Variants in SPATA13 observed in about 807,000 individuals in gnomAD.
SPATA13 encodes spermatogenesis associated 13, also known as spermatogenesis-associated protein 13.
SPATA13 carries 50 observed loss-of-function variants against 104.0 expected under a neutral mutation model. That is an observed-to-expected ratio of 0.48 (90% CI 0.38 to 0.61). The LOEUF (loss-of-function observed/expected upper bound fraction) is 0.61. Among genes scored for constraint, SPATA13 ranks in the 20% least tolerant of loss-of-function variants. The pLI is 0.00. For synonymous variants in SPATA13, 606 were observed against 667.5 expected, an observed-to-expected ratio of 0.91 and a Z score of 1.42; for missense variants, 1,524 against 1,690.6, an observed-to-expected ratio of 0.90 and a Z score of 1.73.
At chr13:24,144,995 G>A (rs772820729) in intron 3 of SPATA13, among the ~76,000 whole-genome samples, 3 of 152,134 alleles carry the variant, frequency 2.0e-5, no homozygotes, top group Admixed American at 6.5e-5. Context: ...AGGTCCCTTG[G>A]GTAGTGATAA....
intron 3 of SPATA13, among the ~76,000 whole-genome samples, chr13:24,040,114 C>T (rs1216879292): frequency 6.6e-6 from 1 of 152,206 alleles, no homozygotes; most frequent in Non-Finnish European, 1.5e-5. Context: ...GGCCATTCAG[C>T]AGAAATCCCC....
intron 2 of SPATA13, among the ~76,000 whole-genome samples, chr13:24,000,998 C>T (rs951975683): frequency 2.0e-5 from 3 of 152,140 alleles, no homozygotes; most frequent in African/African-American, 7.2e-5. Flanking sequence ...AGCTTCTCCC[C>T]ACTCCGAGTT....
rs116645769 is a variant in SPATA13, at chr13:24,278,388, C to T, written c.2165-5747C>T. Among the ~76,000 whole-genome samples, 927 of 152,274 alleles carry T rather than the reference C, an allele frequency of 6.1e-3. 7 individuals are homozygous for T. The highest frequency in any genetic ancestry group is 0.021 in the African/African-American group (892 of 41,542). ...GCCGGTTCATCTCCACAGCTTAAAT[C>T]AGTGCCTAGCACATTATAGGCACCT... On this transcript the variant is annotated intron_variant, in intron 4 of 12. Transcript: ENST00000382108.
intron 3 of SPATA13, among the ~76,000 whole-genome samples, chr13:24,054,028 C>T (rs932281491): frequency 6.6e-5 from 10 of 152,166 alleles, no homozygotes; most frequent in African/African-American, 2.4e-4. Context: ...CTGGACAGCT[C>T]TGCCCTGCGG....
At chr13:24,093,229 G>A (rs892612865) in intron 3 of SPATA13, among the ~76,000 whole-genome samples, 8 of 152,202 alleles carry the variant, frequency 5.3e-5, no homozygotes, top group African/African-American at 1.9e-4. Flanking sequence ...TTTCAAGCAC[G>A]TTTTATAAAG....
Position 24,224,276 on chromosome 13 carries a change from T to G in SPATA13, c.1347T>G (p.Ala449=). The G allele has an allele frequency of 6.4e-7, 1 of 1,551,696 alleles. No individual in the cohort carries two copies. The highest frequency in any genetic ancestry group is 8.7e-7 in the Non-Finnish European group (1 of 1,146,978). ...VLSKDSCDPN[A]GSQLTFDPEQ... is the part of the protein sequence containing the mutation. ...GCAAAGACTCCTGTGACCCAAACGC[T>G]GGCAGCCAGTTGACATTTGACCCTG... The change falls in exon 2 of 13, where the codon GCT becomes GCG. Residue 449 remains alanine, a synonymous_variant. Transcript: ENST00000382108.
At chr13:24,159,082 G>A (rs1245269052), upstream of SPATA13, among the ~76,000 whole-genome samples, 1 of 151,570 alleles carries the variant, frequency 6.6e-6, no homozygotes. Context: ...CCTCAGATTT[G>A]TGCTAATTCT....
At chr13:24,292,994 T>C (rs1409911878) in intron 9 of SPATA13, among the ~76,000 whole-genome samples, 1 of 1,348 alleles carries the variant, frequency 7.4e-4, no homozygotes, top group Non-Finnish European at 1.3e-3. Context: ...AGACTTTGTC[T>C]CAAAAAAAAA....
At chr13:24,164,961 G>C (rs1882660296) in intron 1 of SPATA13, among the ~76,000 whole-genome samples, 1 of 152,140 alleles carries the variant, frequency 6.6e-6, no homozygotes, top group Non-Finnish European at 1.5e-5. Flanking sequence ...AAGAACCCTG[G>C]GGAGCTGTGG....
intron 2 of SPATA13, among the ~76,000 whole-genome samples, chr13:24,228,108 CTTTTTTTTTTT>C (rs71186818): frequency 1.2e-4 from 12 of 102,264 alleles, no homozygotes; most frequent in African/African-American, 2.8e-4. Context: ...CTCTTGTACT[CTTTTTTTTTTT>C]TTTTTTTTTT....
rs1363778088 is a variant in SPATA13 at position 24,223,429 on chromosome 13, G to T, written c.500G>T (p.Gly167Val). 1.3e-6 allele frequency: 2 copies of T among 1,550,890 alleles called. No individual in the cohort carries two copies. Among genetic ancestry groups the T allele is most frequent in the Non-Finnish European group, 1.7e-6 (2 of 1,147,010 alleles). The stretch of plus-strand genomic sequence containing the variant: ...AGCAGGGGCTCCCCCTTAGCACCGG[G>T]ACCAGCATGTGGTGCCCTCAGGCCA... ...QASRGSPLAP[G>V]PACGALRPAE... The change falls in exon 2 of 13, where the codon GGA becomes GTA. Residue 167 changes from glycine (G) to valine (V), a missense_variant. Physicochemically the swap from Gly to Val is moderately radical, Grantham distance 109. Coordinates refer to ENST00000382108, the MANE Select transcript of SPATA13 (RefSeq NM_001166271.3).
At chr13:24,052,098 C>T (rs9578674) in intron 3 of SPATA13, among the ~76,000 whole-genome samples, 33,667 of 152,066 alleles carry the variant, frequency 0.22, 4,343 homozygotes, top group African/African-American at 0.36. Context: ...GTGCTGTGTC[C>T]AGGCTCCTCG....
At chr13:24,170,639 C>CTG (rs60927394) in intron 1 of SPATA13, among the ~76,000 whole-genome samples, 41,983 of 151,918 alleles carry the variant, frequency 0.28, 6,238 homozygotes, top group Non-Finnish European at 0.34. Context: ...ATTGGAACAC[C>CTG]TGTCTCCTGA....
At chr13:24,032,057 C>T (rs1877501132) in intron 3 of SPATA13, among the ~76,000 whole-genome samples, 3 of 152,182 alleles carry the variant, frequency 2.0e-5, no homozygotes, top group South Asian at 4.1e-4. Context: ...TGCAAGAACC[C>T]TGGTAAGTCA....
In SPATA13 at chr13:24,011,245, A is replaced by G. The variant is rs1211393368; in HGVS notation, c.-146-6422A>G. On this transcript the variant is annotated intron_variant, in intron 2 of 14. Transcript: ENST00000424834. The surrounding 1 kb of genome is among the most constrained non-coding windows in gnomAD (Gnocchi z 4.3). ...CACTCGGAGCTCCCACCTGCCTCCC[A>G]GGGGAGTGGGCATCCACCCTGAGCA... Among the ~76,000 whole-genome samples, 2 of 151,702 alleles carry G rather than the reference A, an allele frequency of 1.3e-5. No homozygotes were observed. The highest frequency in any genetic ancestry group is 3.9e-4 in the East Asian group (2 of 5,118).
chr13:24,100,519 T>C (rs541974275), intron 3 of SPATA13, among the ~76,000 whole-genome samples: 1 of 152,346 alleles, frequency 6.6e-6, no homozygotes, highest in African/African-American at 2.4e-5. Flanking sequence ...ATGTGGCCTT[T>C]TTCCTTCATC....
At chr13:24,146,618 C>G (rs1252264930) in intron 3 of SPATA13, among the ~76,000 whole-genome samples, 1 of 142,836 alleles carries the variant, frequency 7.0e-6, no homozygotes, top group Non-Finnish European at 1.5e-5. Flanking sequence ...TTACAGGGCA[C>G]TAAGGAAATG....
chr13:24,001,056 C>G (rs1875944489), intron 2 of SPATA13, among the ~76,000 whole-genome samples: 1 of 152,136 alleles, frequency 6.6e-6, no homozygotes, highest in Non-Finnish European at 1.5e-5. Flanking sequence ...CCCCTCACCC[C>G]CTGTCCTCCT....
intron 3 of SPATA13, among the ~76,000 whole-genome samples, chr13:24,058,933 C>T (rs1224286163): frequency 1.3e-5 from 2 of 150,856 alleles, no homozygotes; most frequent in Admixed American, 1.3e-4. Context: ...GACCTGTAAG[C>T]TCCAGGACAA....
Sources: allele counts gnomAD v4.1 joint callset (sites outside exome capture counted in the v4.1 genomes callset), GRCh38; gene constraint gnomAD v4.1.1; non-coding constraint Gnocchi (gnomAD v3.1); transcripts MANE v1.5; gene names NCBI Gene and HGNC (gene_info 2026-07-23, HGNC 2026-07-21).